The following ITGB8 variants were observed in gnomAD, a reference collection of about 807,000 sequenced individuals.
ITGB8 encodes integrin beta-8.
ITGB8 carries 30 observed loss-of-function variants against 89.5 expected under a neutral mutation model. The observed-to-expected ratio is 0.34, with a 90% CI of 0.25 to 0.45. ITGB8 has a LOEUF of 0.45. ITGB8 is among the 20% of genes least tolerant of loss of function. ITGB8 has a pLI of 1.00. For missense variants in ITGB8, 836 were observed against 933.3 expected (o/e 0.90, Z 1.36); for synonymous variants, 335 against 320.4 (o/e 1.05, Z -0.49).
At chr7:20,376,241 C>G (rs1434743778) in intron 3 of ITGB8, among the ~76,000 whole-genome samples, 1 of 152,142 alleles carries the variant, frequency 6.6e-6, no homozygotes, top group East Asian at 1.9e-4. Context: ...TCCTTTGGTA[C>G]TAACTCTGAA....
rs980457612 is a variant in ITGB8 at position 20,348,831 on chromosome 7, G to GTT, written c.128-14804_128-14803dup. On this transcript the variant is annotated intron_variant, in intron 1 of 13. Coordinates refer to ENST00000222573, the MANE Select transcript of ITGB8 (RefSeq NM_002214.3). The stretch of plus-strand genomic sequence containing the variant: ...TAGCCAGTGGGAACAAGGAGAATAT[G>GTT]TTTGCAAAGCACTGTTGGAACATTT... Among the ~76,000 whole-genome samples the GTT allele has an allele frequency of 3.5e-4, 54 of 152,222 alleles. 1 individual carries two copies. The highest frequency in any genetic ancestry group is 2.0e-4 in the Admixed American group (3 of 15,286).
chr7:20,330,885 A>G (rs1378670872), upstream of ITGB8: 1 of 152,736 alleles, frequency 6.5e-6, no homozygotes, highest in Non-Finnish European at 1.5e-5. Flanking sequence ...CTCGCATCCT[A>G]GCCGTGTGCA....
At chr7:20,369,114 A>G (rs987908738) in intron 3 of ITGB8, among the ~76,000 whole-genome samples, 4 of 152,200 alleles carry the variant, frequency 2.6e-5, no homozygotes, top group African/African-American at 9.6e-5. Context: ...ATCTTTCAGA[A>G]TTCTCAATTC....
intron 6 of ITGB8, among the ~76,000 whole-genome samples, chr7:20,382,312 A>T (rs112103749): frequency 6.6e-6 from 1 of 152,338 alleles, no homozygotes; most frequent in African/African-American, 2.4e-5. Flanking sequence ...GGGAAAAAAG[A>T]CAAGAGAGAA....
At chr7:20,341,658 G>C (rs1185947518) in intron 1 of ITGB8, among the ~76,000 whole-genome samples, 1 of 152,214 alleles carries the variant, frequency 6.6e-6, no homozygotes, top group Non-Finnish European at 1.5e-5. Context: ...GTGGCCCACT[G>C]AAGACAGCAT....
At chr7:20,338,424 C>T (rs1300206722) in intron 1 of ITGB8, among the ~76,000 whole-genome samples, 3 of 151,936 alleles carry the variant, frequency 2.0e-5, no homozygotes, top group Non-Finnish European at 4.4e-5. Flanking sequence ...GTCAGGAGTT[C>T]GAGACCAGCC....
intron 3 of ITGB8, among the ~76,000 whole-genome samples, chr7:20,374,661 G>A (rs1786062990): frequency 1.3e-5 from 2 of 152,140 alleles, no homozygotes; most frequent in South Asian, 4.1e-4. Context: ...ACATGAAGAA[G>A]AAGAGGTTGG....
intron 1 of ITGB8, among the ~76,000 whole-genome samples, chr7:20,360,611 C>T (rs930867655): frequency 2.0e-5 from 3 of 151,994 alleles, no homozygotes; most frequent in African/African-American, 7.2e-5. Flanking sequence ...GTTTTTCATT[C>T]CTGGGCTACT....
chr7:20,340,635 G>A (rs1050616257), intron 1 of ITGB8, among the ~76,000 whole-genome samples: 1 of 152,168 alleles, frequency 6.6e-6, no homozygotes, highest in African/African-American at 2.4e-5. Flanking sequence ...TGTGGTATCA[G>A]GGATCTTTCC....
chr7:20,362,350 G>A (rs909064559), intron 1 of ITGB8, among the ~76,000 whole-genome samples: 3 of 152,182 alleles, frequency 2.0e-5, no homozygotes, highest in Admixed American at 6.5e-5. Context: ...ATACACACAT[G>A]TGCATGAGTG....
At chr7:20,403,692 G>A (rs908802140) in intron 10 of ITGB8, among the ~76,000 whole-genome samples, 1 of 151,916 alleles carries the variant, frequency 6.6e-6, no homozygotes, top group Non-Finnish European at 1.5e-5. Context: ...CCTGTGAGGT[G>A]CTCAGCAATA....
At chr7:20,348,024 A>G (rs1219856605) in intron 1 of ITGB8, among the ~76,000 whole-genome samples, 1 of 152,228 alleles carries the variant, frequency 6.6e-6, no homozygotes, top group African/African-American at 2.4e-5. Context: ...GCTAGAGGAA[A>G]TTATCTTGAT....
chr7:20,409,991 C>A lies in ITGB8; in HGVS notation c.2304C>A (p.Asn768Lys). 1 of 1,605,604 alleles carries A rather than the reference C, an allele frequency of 6.2e-7. No individual in the cohort carries two copies. The highest frequency in any genetic ancestry group is 8.5e-7 in the Non-Finnish European group (1 of 1,177,656). Residue 768 changes from asparagine to lysine, a missense_variant, in exon 14 of 14, where the codon AAC (asparagine) becomes AAA (lysine). This residue lies in a region of ITGB8 where 422 missense variants were observed against 416.9 expected (regional missense o/e 1.01). Coordinates refer to ENST00000222573, the MANE Select transcript of ITGB8 (RefSeq NM_002214.3). ...KLNAHETFRC[N>K]F ...ATGCTCATGAAACTTTCAGGTGCAA[C>A]TTCTAAAAAAAGATTTTTAAACACT...
chr7:20,362,287 G>A (rs577698242), intron 1 of ITGB8, among the ~76,000 whole-genome samples: 3 of 152,224 alleles, frequency 2.0e-5, no homozygotes, highest in South Asian at 4.2e-4. Context: ...GAGATTCTGT[G>A]GTCTCTATTC....
In ITGB8 at chr7:20,412,303, A is replaced by G. The variant is rs1341336965; in HGVS notation, c.*2306A>G. 2 of 152,626 alleles carry G rather than the reference A, an allele frequency of 1.3e-5. No homozygotes were observed. The highest frequency in any genetic ancestry group is 2.9e-5 in the Non-Finnish European group (2 of 68,028). 9.5% of individuals were successfully genotyped at this position (152,626 alleles called of 1,614,324 possible). On this transcript the variant is annotated 3_prime_UTR_variant, in exon 14 of 14. Transcript: ENST00000222573. ...TCACTTGTATAAGAAACCTTTGATC[A>G]CTAAAAATAATGTAAAAATTGGGTT...
chr7:20,362,538 G>A (rs1383446876), intron 1 of ITGB8, among the ~76,000 whole-genome samples: 1 of 152,204 alleles, frequency 6.6e-6, no homozygotes, highest in African/African-American at 2.4e-5. Flanking sequence ...AGCAGAGTGA[G>A]AGGCACCTTT....
At chr7:20,376,159 C>G (rs1051632008) in intron 3 of ITGB8, among the ~76,000 whole-genome samples, 1 of 152,130 alleles carries the variant, frequency 6.6e-6, no homozygotes, top group African/African-American at 2.4e-5. Flanking sequence ...CCTGTCAGGG[C>G]AGGGATCCAT....
intron 3 of ITGB8, among the ~76,000 whole-genome samples, chr7:20,374,849 G>C (rs963999297): frequency 2.6e-5 from 4 of 152,148 alleles, no homozygotes; most frequent in Non-Finnish European, 5.9e-5. Context: ...ATCTGGTGGA[G>C]AGCTGTTGAC....
chr7:20,368,794 T>C (rs1346854892), intron 3 of ITGB8, among the ~76,000 whole-genome samples: 1 of 152,104 alleles, frequency 6.6e-6, no homozygotes, highest in Admixed American at 6.5e-5. Context: ...CCATCTTTAA[T>C]GATTTTTTTT....
Sources: gnomAD v4.1 joint callset for allele counts (sites outside exome capture counted in the v4.1 genomes callset) on GRCh38, gnomAD v4.1.1 for gene constraint, gnomAD v4.1.1 regional missense constraint, MANE v1.5 for transcripts, NCBI Gene and HGNC (gene_info 2026-07-23, HGNC 2026-07-21) for gene names.